TMEM87A: variants seen among roughly 807,000 people sequenced by gnomAD.
TMEM87A encodes the protein transmembrane protein 87A, also known as Golgi-pH regulating cation channel.
A neutral mutation model predicts 90.0 loss-of-function variants in TMEM87A; 50 were observed. The ratio of observed to expected loss-of-function variants is 0.56; its 90% CI spans 0.44 to 0.70. The LOEUF is 0.70. TMEM87A is among the 30% of genes least tolerant of loss of function. The pLI is 0.00. For synonymous variants in TMEM87A, 226 were observed against 226.7 expected (o/e 1.00, Z 0.03); for missense variants, 577 against 660.5 (o/e 0.87, Z 1.39).
intron 11 of TMEM87A, chr15:42,231,936 AGAAAAT>A: frequency 1.6e-6 from 2 of 1,235,286 alleles, no homozygotes; most frequent in Non-Finnish European, 2.1e-6. Context: ...AGCAGAAGAA[AGAAAAT>A]GAAATTGACA....
intron 19 of TMEM87A, among the ~76,000 whole-genome samples, chr15:42,212,185 C>T (rs1428561596): frequency 6.6e-6 from 1 of 152,142 alleles, no homozygotes; most frequent in Non-Finnish European, 1.5e-5. Flanking sequence ...TTTTTTACTA[C>T]ACTTTTTAAA....
upstream of TMEM87A, chr15:42,273,550 C>CGACTGTCTGAG: frequency 7.4e-7 from 1 of 1,350,336 alleles, no homozygotes; most frequent in Non-Finnish European, 9.9e-7. Flanking sequence ...CTCTCTCAGA[C>CGACTGTCTGAG]AGTCGTCTGT....
chr15:42,254,934 T>C (rs4924643), intron 6 of TMEM87A, among the ~76,000 whole-genome samples: 143,625 of 151,356 alleles, frequency 0.95, 68,558 homozygotes, highest in Non-Finnish European at 1. Context: ...GCTAAGTGTA[T>C]AGGTATAGAC....
intron 12 of TMEM87A, among the ~76,000 whole-genome samples, chr15:42,230,917 G>A (rs1391125655): frequency 6.6e-6 from 1 of 152,032 alleles, no homozygotes; most frequent in Non-Finnish European, 1.5e-5. Context: ...GCAAAATCAA[G>A]ATGAAATGCT....
intron 15 of TMEM87A, among the ~76,000 whole-genome samples, chr15:42,221,244 G>A (rs945581619): frequency 4.0e-5 from 6 of 150,314 alleles, no homozygotes; most frequent in Non-Finnish European, 7.4e-5. Context: ...GCGAGACTCC[G>A]TCAAGAAAAG....
intron 12 of TMEM87A, among the ~76,000 whole-genome samples, chr15:42,230,037 G>C (rs1007452090): frequency 5.9e-5 from 9 of 152,170 alleles, no homozygotes; most frequent in African/African-American, 2.2e-4. Flanking sequence ...TGTTGCCCAG[G>C]CTGGTCTCAA....
rs79255138 is a variant in TMEM87A at position 42,233,131 on chromosome 15, A to AC, written c.1062+81dup. 1,054 of 1,209,936 alleles carry AC rather than the reference A, an allele frequency of 8.7e-4. 10 individuals carry two copies. In the East Asian group the frequency reaches 0.019, roughly 22 times the overall value. 75.0% of individuals were successfully genotyped at this position (1,209,936 alleles called of 1,614,324 possible). On this transcript the variant is annotated intron_variant, in intron 11 of 19. Coordinates refer to ENST00000389834, the MANE Select transcript of TMEM87A (RefSeq NM_015497.5). Reference sequence around the variant, plus strand: ...ACTTAAAGCAAACAGAAAGAAGCCCACAGACATTTCCAATCCACACTGTCA... The same window carrying AC: ...ACTTAAAGCAAACAGAAAGAAGCCCACCAGACATTTCCAATCCACACTGTCA...
intron 1 of TMEM87A, among the ~76,000 whole-genome samples, chr15:42,272,386 A>G (rs965437658): frequency 6.6e-6 from 1 of 152,268 alleles, no homozygotes; most frequent in Non-Finnish European, 1.5e-5. Flanking sequence ...GTAACAAGTA[A>G]AAACCTAACT....
intron 13 of TMEM87A, 46 bp downstream of exon 13, chr15:42,228,666 C>T: frequency 1.3e-6 from 2 of 1,535,842 alleles, no homozygotes; most frequent in Non-Finnish European, 1.8e-6. Context: ...AATGTCCATT[C>T]TAAACAGATC....
At chr15:42,236,465 A>G in intron 9 of TMEM87A, 46 bp from the exon 10 acceptor site, 1 of 1,543,236 alleles carries the variant, frequency 6.5e-7, no homozygotes, top group Non-Finnish European at 9.0e-7. Context: ...TAGGTTTGGC[A>G]ACAGGCCAGA....
intron 4 of TMEM87A, 124 bp downstream of exon 4, chr15:42,263,966 G>A: frequency 1.5e-6 from 1 of 684,884 alleles, no homozygotes; most frequent in Non-Finnish European, 2.5e-6. Context: ...GTACCTATCA[G>A]AACATGCTTC....
At chr15:42,221,078 G>A (rs1028389156) in intron 15 of TMEM87A, among the ~76,000 whole-genome samples, 3 of 152,126 alleles carry the variant, frequency 2.0e-5, no homozygotes, top group Admixed American at 6.5e-5. Context: ...TCAGCCGCCC[G>A]CCACGGCCTC....
chr15:42,216,868 AAAAC>A (rs775133485), intron 19 of TMEM87A, among the ~76,000 whole-genome samples: 11 of 152,218 alleles, frequency 7.2e-5, no homozygotes, highest in Non-Finnish European at 1.3e-4. Context: ...AAACAAAACA[AAAAC>A]AAACAAACAA....
In TMEM87A at chr15:42,217,807, T is replaced by A. The variant is rs1164192661; in HGVS notation, c.1622A>T (p.Asp541Val). 1 of 1,612,892 alleles carries A rather than the reference T, an allele frequency of 6.2e-7. No individual in the cohort carries two copies. Among genetic ancestry groups the A allele is most frequent in the Non-Finnish European group, 8.5e-7 (1 of 1,179,666 alleles). Residue 541 changes from aspartate (D) to valine (V), a missense_variant, in exon 19 of 20, where the codon GAT becomes GTT. Transcript: ENST00000389834. ...DVALPALLDS[D>V]EERMITHFER... ...GCACGTGAATTGAGTACCAACCTCA[T>A]CTGAATCCAGAAGGGCTGGAAGTGC...
chr15:42,264,699 A>ATATATATATATTTTTTTTTT (rs10681614), intron 3 of TMEM87A, among the ~76,000 whole-genome samples: 1 of 109,424 alleles, frequency 9.1e-6, no homozygotes, highest in African/African-American at 3.1e-5. Context: ...ATATATATAT[A>ATATATATATATTTTTTTTTT]TTTTTTTTTT....
intron 7 of TMEM87A, among the ~76,000 whole-genome samples, chr15:42,243,715 C>T (rs1299416533): frequency 6.6e-6 from 1 of 151,888 alleles, no homozygotes; most frequent in Non-Finnish European, 1.5e-5. Flanking sequence ...GACGGGGTTT[C>T]TCCATGTTGG....
chr15:42,258,715 C>T, intron 6 of TMEM87A: 1 of 1,328,308 alleles, frequency 7.5e-7, no homozygotes, highest in South Asian at 1.8e-5. Context: ...GCGTGAGCCA[C>T]TGTACCCAGT....
At chr15:42,231,791 T>C in intron 11 of TMEM87A, 1 of 943,564 alleles carries the variant, frequency 1.1e-6, no homozygotes, top group Non-Finnish European at 1.4e-6. Flanking sequence ...ATATAGAGTA[T>C]GTTTTTTATA....
intron 6 of TMEM87A, among the ~76,000 whole-genome samples, chr15:42,259,901 C>T (rs1354268507): frequency 6.6e-6 from 1 of 152,106 alleles, no homozygotes; most frequent in African/African-American, 2.4e-5. Flanking sequence ...CCAGAAAAGG[C>T]AAGTACAGAG....
Sources: gnomAD v4.1 joint callset for allele counts (sites outside exome capture counted in the v4.1 genomes callset) on GRCh38, gnomAD v4.1.1 for gene constraint, MANE v1.5 for transcripts, NCBI Gene and HGNC (gene_info 2026-07-23, HGNC 2026-07-21) for gene names.